The following SMAD3 variants were observed in gnomAD, a reference collection of about 807,000 sequenced individuals.
SMAD3 encodes SMAD family member 3.
Under a neutral mutation model 51.8 loss-of-function variants are expected in SMAD3, and 12 were observed. That is an observed-to-expected ratio of 0.23 (90% CI 0.15 to 0.38). The LOEUF (loss-of-function observed/expected upper bound fraction) is 0.38. Among genes scored for constraint, SMAD3 ranks in the 10% least tolerant of loss-of-function variants. The pLI is 1.00. For synonymous variants in SMAD3, 238 were observed against 227.7 expected (o/e 1.05, Z -0.41); for missense variants, 294 against 565.6 (o/e 0.52, Z 4.87).
chr15:67,075,625 AC>A (rs1456941768), intron 1 of SMAD3, among the ~76,000 whole-genome samples: 1 of 152,110 alleles, frequency 6.6e-6, no homozygotes, highest in African/African-American at 2.4e-5. Context: ...ATAGAAATCA[AC>A]CCAAGTGGCC....
intron 1 of SMAD3, among the ~76,000 whole-genome samples, chr15:67,073,221 T>C (rs1960095202): frequency 6.6e-6 from 1 of 152,254 alleles, no homozygotes; most frequent in Non-Finnish European, 1.5e-5. Flanking sequence ...ATCCTTTGTT[T>C]CGACTTAACA....
At chr15:67,071,611 A>G (rs756956515) in intron 1 of SMAD3, among the ~76,000 whole-genome samples, 29 of 152,224 alleles carry the variant, frequency 1.9e-4, no homozygotes, top group Non-Finnish European at 3.5e-4. Flanking sequence ...GGAGATCACA[A>G]CCATTCTGGC....
At chr15:67,156,501 TATATTA>T (rs1406696316) in intron 1 of SMAD3, among the ~76,000 whole-genome samples, 2 of 152,228 alleles carry the variant, frequency 1.3e-5, no homozygotes, top group Non-Finnish European at 2.9e-5. Flanking sequence ...AGCTTCACTT[TATATTA>T]ACTCTGGGAA....
chr15:67,092,630 C>T (rs898914819), intron 1 of SMAD3, among the ~76,000 whole-genome samples: 20 of 152,200 alleles, frequency 1.3e-4, no homozygotes, highest in Non-Finnish European at 2.9e-4. Context: ...AAGCTGGGGG[C>T]AGGATACTGA....
At chr15:67,174,264 A>G (rs2278546) in intron 5 of SMAD3, 51,307 of 152,058 alleles carry the variant, frequency 0.34, 9,225 homozygotes, top group African/African-American at 0.46. Context: ...CCGCCCCATT[A>G]CCCATCCATA....
chr15:67,170,157 G>T (rs1315600065), intron 4 of SMAD3, among the ~76,000 whole-genome samples: 2 of 152,154 alleles, frequency 1.3e-5, no homozygotes, highest in African/African-American at 2.4e-5. Flanking sequence ...TTGGGAGAAG[G>T]GCTTCCCTGC....
In SMAD3 at chr15:67,190,611, A is replaced by G; in HGVS notation, c.*75A>G. 1 of 1,465,814 alleles carries G rather than the reference A, an allele frequency of 6.8e-7. No individual in the cohort carries two copies. The highest frequency in any genetic ancestry group is 1.7e-5 in the Admixed American group (1 of 58,958). The allele number at this position is 1,465,814 out of a possible 1,614,324, so 90.8% of individuals were successfully genotyped here. Reference sequence around the variant, plus strand: ...AGGAGGTGGAGAAAATTGGAACTCTACTCAACCCATTGTTGTCAAGGAAGA... The same window carrying G: ...AGGAGGTGGAGAAAATTGGAACTCTGCTCAACCCATTGTTGTCAAGGAAGA... On this transcript the variant is annotated 3_prime_UTR_variant, in exon 9 of 9. Transcript: ENST00000327367.
chr15:67,090,608 T>C (rs1960489416), intron 1 of SMAD3, among the ~76,000 whole-genome samples: 1 of 152,164 alleles, frequency 6.6e-6, no homozygotes, highest in African/African-American at 2.4e-5. Context: ...GGCTCTGATG[T>C]GAACCACTCA....
intron 1 of SMAD3, among the ~76,000 whole-genome samples, chr15:67,149,089 T>G (rs796074414): frequency 1.1e-4 from 16 of 152,068 alleles, no homozygotes; most frequent in African/African-American, 3.9e-4. Context: ...TGGAGAGAGG[T>G]CATTCTTAGC....
At chr15:67,098,812 G>A in intron 1 of SMAD3, 1 of 693,038 alleles carries the variant, frequency 1.4e-6, no homozygotes, top group Non-Finnish European at 2.6e-6. Flanking sequence ...TCCCCAGCGG[G>A]GGTCTGAGGG....
intron 6 of SMAD3, among the ~76,000 whole-genome samples, chr15:67,184,512 C>T (rs957263492): frequency 2.6e-5 from 4 of 152,190 alleles, no homozygotes; most frequent in Non-Finnish European, 5.9e-5. Context: ...ATCCTGTGTG[C>T]CCATCTCTTG....
chr15:67,069,797 C>T (rs1025154680), intron 1 of SMAD3, among the ~76,000 whole-genome samples: 1 of 152,102 alleles, frequency 6.6e-6, no homozygotes, highest in Non-Finnish European at 1.5e-5. Flanking sequence ...ACCTCTGCCT[C>T]CCGGTTCAAG....
intron 5 of SMAD3, among the ~76,000 whole-genome samples, chr15:67,177,388 T>C (rs1274722773): frequency 6.7e-6 from 1 of 150,156 alleles, no homozygotes; most frequent in Non-Finnish European, 1.5e-5. Flanking sequence ...ATAAGTACTT[T>C]GGGAAAGAAA....
intron 1 of SMAD3, among the ~76,000 whole-genome samples, chr15:67,121,567 A>C (rs1187446120): frequency 6.6e-6 from 1 of 152,212 alleles, no homozygotes; most frequent in Non-Finnish European, 1.5e-5. Flanking sequence ...GTTTAGGGTT[A>C]TAAAAACCTA....
chr15:67,180,659 C>T (rs967741268), intron 5 of SMAD3, among the ~76,000 whole-genome samples: 3 of 151,858 alleles, frequency 2.0e-5, no homozygotes, highest in African/African-American at 4.8e-5. Flanking sequence ...GGAACCCACT[C>T]GGCTGCTGCA....
At chr15:67,155,353 A>C (rs1962254253) in intron 1 of SMAD3, among the ~76,000 whole-genome samples, 1 of 152,232 alleles carries the variant, frequency 6.6e-6, no homozygotes, top group Admixed American at 6.5e-5. Context: ...CCCCAAATCA[A>C]ACATCCCTCT....
chr15:67,090,435 CT>C (rs946574280), intron 1 of SMAD3, among the ~76,000 whole-genome samples: 2 of 152,276 alleles, frequency 1.3e-5, no homozygotes, highest in African/African-American at 4.8e-5. Flanking sequence ...GACTGATCAT[CT>C]AGCCCAACCC....
At position 67,066,366 on chromosome 15, in the gene SMAD3, G is replaced by T. The variant is rs1046397750; in HGVS notation, c.206+6G>T. 1 of 1,610,418 alleles carries T rather than the reference G, an allele frequency of 6.2e-7. No homozygotes were observed. The highest frequency in any genetic ancestry group is 1.1e-5 in the South Asian group (1 of 90,848). On this transcript the variant is annotated splice_donor_region_variant and intron_variant, in intron 1 of 8. Transcript: ENST00000327367. ...AAGTGCATCACCATCCCCAGGTGGG[G>T]GCCCGCCCGGGGGGGACCCGGGGTC...
intron 5 of SMAD3, among the ~76,000 whole-genome samples, chr15:67,175,423 G>A (rs776907832): frequency 1.8e-4 from 28 of 152,156 alleles, no homozygotes; most frequent in Non-Finnish European, 3.4e-4. Flanking sequence ...GCTGTGAATT[G>A]CCCTCTAGAT....
Sources: gnomAD v4.1 joint callset for allele counts (sites outside exome capture counted in the v4.1 genomes callset) on GRCh38, gnomAD v4.1.1 for gene constraint, MANE v1.5 for transcripts, NCBI Gene and HGNC (gene_info 2026-07-23, HGNC 2026-07-21) for gene names.